The following AK8 variants were observed in gnomAD, a reference collection of about 807,000 sequenced individuals.
AK8 encodes the protein adenylate kinase 8.
A neutral mutation model predicts 54.6 loss-of-function variants in AK8; 44 were observed. That is an observed-to-expected ratio of 0.81 (90% CI 0.63 to 1.04). AK8 has a LOEUF of 1.04. Among genes scored for constraint, AK8 ranks in the 50% least tolerant of loss-of-function variants. AK8 has a pLI of 0.00. For missense variants in AK8, 555 were observed against 613.6 expected, an observed-to-expected ratio of 0.90 and a Z score of 1.01; for synonymous variants, 239 against 245.6, an observed-to-expected ratio of 0.97 and a Z score of 0.25.
chr9:132,751,171 G>A (rs749087341), intron 11 of AK8, among the ~76,000 whole-genome samples: 2 of 151,708 alleles, frequency 1.3e-5, no homozygotes, highest in Non-Finnish European at 2.9e-5. Context: ...ATCATTTGAG[G>A]TCAGGAGTTC....
Position 132,770,998 on chromosome 9 carries a change from C to T in AK8, c.1121+21636G>A, listed in dbSNP as rs1032849553. On this transcript the variant is annotated intron_variant, in intron 11 of 12. Coordinates refer to ENST00000298545, the MANE Select transcript of AK8 (RefSeq NM_152572.3). This position sits in a 1 kb window ranked among gnomAD's most constrained non-coding sequence, Gnocchi z 4.3. Reference sequence around the variant, plus strand: ...GGCTGAGCAGGGGGCCTCAGGAGGCCTCTGGGAAGCCAGCAGGGCAGGTGT... The same window carrying T: ...GGCTGAGCAGGGGGCCTCAGGAGGCTTCTGGGAAGCCAGCAGGGCAGGTGT... 1.3e-5 allele frequency among the ~76,000 whole-genome samples: 2 copies of T among 152,154 alleles called. No homozygotes were observed. The highest frequency in any genetic ancestry group is 2.9e-5 in the Non-Finnish European group (2 of 68,010).
rs1839457194 is a variant in AK8, at chr9:132,781,251, CTTCTT to C, written c.1121+11378_1121+11382del. Reference sequence around the variant, plus strand: ...ATTTGTTCTGAAATAACTTTTTTTCCTTCTTTTCGACAGATCAATTACTTGGTTTG... The same window carrying C: ...ATTTGTTCTGAAATAACTTTTTTTCCTTCGACAGATCAATTACTTGGTTTG... On this transcript the variant is annotated intron_variant, in intron 11 of 12. Coordinates refer to ENST00000298545, the MANE Select transcript of AK8 (RefSeq NM_152572.3). The surrounding 1 kb of genome is among the most constrained non-coding windows in gnomAD (Gnocchi z 4.6). 6.6e-6 allele frequency among the ~76,000 whole-genome samples: 1 copy of C among 151,008 alleles called. No homozygotes were observed. The highest frequency in any genetic ancestry group is 2.1e-4 in the South Asian group (1 of 4,786).
chr9:132,821,079 C>T (rs1841576432), intron 9 of AK8, among the ~76,000 whole-genome samples: 1 of 151,642 alleles, frequency 6.6e-6, no homozygotes, highest in Non-Finnish European at 1.5e-5. Flanking sequence ...AAAATCTAGG[C>T]AGGTAATTTC....
intron 5 of AK8, among the ~76,000 whole-genome samples, chr9:132,850,398 C>CTTT (rs71376665): frequency 2.4e-5 from 3 of 123,652 alleles, no homozygotes; most frequent in South Asian, 2.7e-4. Flanking sequence ...AACCCTAATA[C>CTTT]TTTTTTTTTT....
rs1289785501 is a variant in AK8, at chr9:132,826,275, C to T, written c.757+579G>A. Among the ~76,000 whole-genome samples, 1 of 152,188 alleles carries T rather than the reference C, an allele frequency of 6.6e-6. No homozygotes were observed. The highest frequency in any genetic ancestry group is 1.5e-5 in the Non-Finnish European group (1 of 68,038). ...GGCTGCGTCGGGGCTGAGATTTGAA[C>T]AGGTTGCTCAGCTCAGCCATCCCCG... On this transcript the variant is annotated intron_variant, in intron 8 of 12. Coordinates refer to ENST00000298545, the MANE Select transcript of AK8 (RefSeq NM_152572.3). This position sits in a 1 kb window ranked among gnomAD's most constrained non-coding sequence, Gnocchi z 4.5.
intron 9 of AK8, 71 bp downstream of exon 9, chr9:132,823,134 A>G: frequency 6.7e-7 from 1 of 1,483,168 alleles, no homozygotes; most frequent in Non-Finnish European, 8.9e-7. Context: ...ATAAAATGAG[A>G]GCTGGGGAGG....
At chr9:132,814,072 G>A (rs1449023863) in intron 10 of AK8, among the ~76,000 whole-genome samples, 2 of 151,938 alleles carry the variant, frequency 1.3e-5, no homozygotes, top group African/African-American at 4.8e-5. Flanking sequence ...GAGCCCAGGA[G>A]TTCAAGATCA....
chr9:132,871,151 CA>C (rs1454998137), intron 2 of AK8, among the ~76,000 whole-genome samples: 5 of 152,178 alleles, frequency 3.3e-5, no homozygotes, highest in African/African-American at 1.2e-4. Context: ...GAGGCTGAGG[CA>C]GGAGAATCAC....
At chr9:132,848,737 G>T (rs1009040898) in intron 5 of AK8, among the ~76,000 whole-genome samples, 1 of 152,186 alleles carries the variant, frequency 6.6e-6, no homozygotes, top group Non-Finnish European at 1.5e-5. Flanking sequence ...GGAAGGTCTC[G>T]GGTGTGGGGA....
At chr9:132,845,550 G>A (rs1842716849) in intron 5 of AK8, among the ~76,000 whole-genome samples, 2 of 152,200 alleles carry the variant, frequency 1.3e-5, no homozygotes, top group Non-Finnish European at 2.9e-5. Context: ...AGCACTTTGG[G>A]AGGCCCAGGC....
upstream of AK8, chr9:132,878,444 C>G: frequency 8.1e-7 from 1 of 1,228,582 alleles, no homozygotes; most frequent in Non-Finnish European, 1.0e-6. This position sits in a 1 kb window ranked among gnomAD's most constrained non-coding sequence, Gnocchi z 4.7. Flanking sequence ...CGGGCAAGTT[C>G]TTTCCCCAAC....
intron 6 of AK8, 78 bp from the exon 7 acceptor site, chr9:132,828,162 C>A (rs1056610095): frequency 7.7e-7 from 1 of 1,305,048 alleles, no homozygotes; most frequent in African/African-American, 1.5e-5. Context: ...CAGACCAATA[C>A]TTGCTTTACG....
chr9:132,734,236 G>A (rs1220902792), intron 11 of AK8, among the ~76,000 whole-genome samples: 3 of 152,304 alleles, frequency 2.0e-5, no homozygotes, highest in East Asian at 3.9e-4. Context: ...AAACCTCCAG[G>A]TGAGGGGCTG....
At chr9:132,787,517 G>A (rs895938429) in intron 11 of AK8, among the ~76,000 whole-genome samples, 1 of 152,116 alleles carries the variant, frequency 6.6e-6, no homozygotes, top group South Asian at 2.1e-4. Flanking sequence ...TATCCAACAA[G>A]TATGAAGATA....
At chr9:132,773,058 C>T (rs1839056639) in intron 11 of AK8, among the ~76,000 whole-genome samples, 1 of 152,326 alleles carries the variant, frequency 6.6e-6, no homozygotes, top group African/African-American at 2.4e-5. Context: ...GTGGCTCCCA[C>T]ATCACTCCAA....
At chr9:132,870,479 C>A (rs1843769032) in intron 2 of AK8, among the ~76,000 whole-genome samples, 1 of 152,182 alleles carries the variant, frequency 6.6e-6, no homozygotes, top group South Asian at 2.1e-4. Context: ...GGTATTGGAG[C>A]TCTAATACAC....
At chr9:132,865,560 G>A (rs1211580380) in intron 3 of AK8, among the ~76,000 whole-genome samples, 2 of 152,252 alleles carry the variant, frequency 1.3e-5, no homozygotes, top group Middle Eastern at 3.4e-3. Flanking sequence ...GGTGGCTCAC[G>A]CCTGTAATCC....
rs141229784 is a variant in AK8, at chr9:132,775,541, G to T, written c.1121+17093C>A. Among the ~76,000 whole-genome samples, 748 of 152,232 alleles carry T rather than the reference G, an allele frequency of 4.9e-3. 9 individuals are homozygous for T. The highest frequency in any genetic ancestry group is 0.017 in the African/African-American group (708 of 41,526). ...TGGTCTCGAACCACTGACCTCAAGT[G>T]ATCTGCCCGCCTCAGCCTCCGCCTC... On this transcript the variant is annotated intron_variant, in intron 11 of 12. Coordinates refer to ENST00000298545, the MANE Select transcript of AK8 (RefSeq NM_152572.3).
intron 4 of AK8, chr9:132,861,406 T>C (rs551401767): frequency 6.6e-6 from 1 of 152,220 alleles, no homozygotes; most frequent in Non-Finnish European, 1.5e-5. Context: ...CACCGATTAA[T>C]TGCTTTATTG....
Sources: allele counts gnomAD v4.1 joint callset (sites outside exome capture counted in the v4.1 genomes callset), GRCh38; gene constraint gnomAD v4.1.1; non-coding constraint Gnocchi (gnomAD v3.1); transcripts MANE v1.5; gene names NCBI Gene and HGNC (gene_info 2026-07-23, HGNC 2026-07-21).